Variants in XYLB observed in about 807,000 individuals in gnomAD.
The protein encoded by XYLB is xylulokinase.
Under a neutral mutation model 78.7 loss-of-function variants are expected in XYLB, and 62 were observed. The ratio of observed to expected loss-of-function variants is 0.79; its 90% CI spans 0.64 to 0.97. The LOEUF is 0.97. Among genes scored for constraint, XYLB ranks in the 50% least tolerant of loss-of-function variants. The pLI, the probability that XYLB is intolerant of heterozygous loss-of-function variation, is 0.00. For synonymous variants in XYLB, 245 were observed against 247.4 expected (o/e 0.99, Z 0.09); for missense variants, 687 against 676.8 (o/e 1.02, Z -0.17).
At chr3:38,386,433 T>A (rs973134980) in intron 15 of XYLB, among the ~76,000 whole-genome samples, 12 of 152,234 alleles carry the variant, frequency 7.9e-5, no homozygotes, top group Non-Finnish European at 1.8e-4. Context: ...AATGATTGGA[T>A]TTAATTGAAT....
At chr3:38,411,713 G>A (rs1366029213) in intron 18 of XYLB, among the ~76,000 whole-genome samples, 1 of 150,804 alleles carries the variant, frequency 6.6e-6, no homozygotes, top group Non-Finnish European at 1.5e-5. Context: ...TTCTAGCTCT[G>A]TTTTCCTTGA....
At chr3:38,356,092 A>T in intron 2 of XYLB, 1 of 227,880 alleles carries the variant, frequency 4.4e-6, no homozygotes, top group East Asian at 9.5e-5. Flanking sequence ...TCTACTAAAA[A>T]TACAAAAATT....
the XYLB span, among the ~76,000 whole-genome samples, chr3:38,433,841 C>T: frequency 6.6e-6 from 1 of 152,206 alleles, no homozygotes; most frequent in African/African-American, 2.4e-5. Context: ...AAAGTTGCTT[C>T]CACATTTTTA....
At chr3:38,393,397 T>C (rs1707749575) in intron 15 of XYLB, among the ~76,000 whole-genome samples, 2 of 152,156 alleles carry the variant, frequency 1.3e-5, no homozygotes, top group Non-Finnish European at 1.5e-5. Context: ...CTACCTGCCT[T>C]GGCCTCCCAA....
intron 7 of XYLB, 49 bp downstream of exon 7, chr3:38,366,922 C>G (rs1209861230): frequency 3.8e-6 from 5 of 1,306,220 alleles, no homozygotes; most frequent in Non-Finnish European, 5.5e-6. Flanking sequence ...GAATTCTTTT[C>G]ATAATATGTT....
intron 14 of XYLB, 103 bp from the exon 15 acceptor site, chr3:38,379,143 A>G: frequency 1.7e-6 from 2 of 1,189,130 alleles, no homozygotes; most frequent in Admixed American, 3.5e-5. Context: ...ATGAGTTTCA[A>G]ATCTGGGCTG....
downstream of XYLB, among the ~76,000 whole-genome samples, chr3:38,415,897 G>T (rs764026002): frequency 7.9e-5 from 12 of 152,182 alleles, no homozygotes; most frequent in Non-Finnish European, 1.0e-4. Context: ...GTGGCAGGAG[G>T]TGAAGGGGAA....
chr3:38,355,545 A>G (rs1705600850), intron 2 of XYLB, among the ~76,000 whole-genome samples: 1 of 152,226 alleles, frequency 6.6e-6, no homozygotes. Context: ...TCTAGCAGAA[A>G]CTTATCAGCT....
At chr3:38,355,904 A>G (rs144571758) in intron 2 of XYLB, 210 of 649,864 alleles carry the variant, frequency 3.2e-4, no homozygotes, top group Non-Finnish European at 5.2e-4. Flanking sequence ...CAAGCCATAG[A>G]AATGTGTTTT....
intron 15 of XYLB, among the ~76,000 whole-genome samples, chr3:38,381,343 G>A (rs1707133600): frequency 6.6e-6 from 1 of 152,140 alleles, no homozygotes; most frequent in Non-Finnish European, 1.5e-5. Context: ...CCTGTCAGCT[G>A]AGGAGGATAT....
intron 2 of XYLB, chr3:38,357,029 G>C (rs1441771280): frequency 6.6e-6 from 1 of 152,222 alleles, no homozygotes; most frequent in Non-Finnish European, 1.5e-5. Flanking sequence ...CAGAGGAAAG[G>C]CCTTGTGAGA....
chr3:38,365,123 G>T, intron 4 of XYLB, 76 bp from the exon 5 acceptor site: 8 of 1,373,910 alleles, frequency 5.8e-6, no homozygotes, highest in Non-Finnish European at 6.2e-6. Flanking sequence ...CATGTGGTCT[G>T]GGGTCTTTCT....
chr3:38,430,131 A>C, the XYLB span, among the ~76,000 whole-genome samples: 1 of 152,188 alleles, frequency 6.6e-6, no homozygotes, highest in African/African-American at 2.4e-5. Flanking sequence ...GAATCACCAC[A>C]CTGTCTTCCA....
rs1224137957 is a variant in XYLB, at chr3:38,348,159, CAT to C, written c.58-390_58-389del. Among the ~76,000 whole-genome samples the C allele has an allele frequency of 9.9e-5, 15 of 152,262 alleles. No homozygotes were observed. In the East Asian group the frequency reaches 2.9e-3, roughly 29 times the overall value. ...TTGCCTGGTCTCAGGCCTCTGCAGACATGGATCCCCAGAGATGCCTCCAAACC... is the reference window on the plus strand; with the variant it reads ...TTGCCTGGTCTCAGGCCTCTGCAGACGGATCCCCAGAGATGCCTCCAAACC... On this transcript the variant is annotated intron_variant, in intron 1 of 18. Coordinates refer to ENST00000207870, the MANE Select transcript of XYLB (RefSeq NM_005108.4).
At chr3:38,410,514 A>C (rs1258201252) in intron 18 of XYLB, among the ~76,000 whole-genome samples, 1 of 152,214 alleles carries the variant, frequency 6.6e-6, no homozygotes, top group African/African-American at 2.4e-5. Context: ...CAATGGCAAC[A>C]GAAGCCAAAA....
the XYLB span, among the ~76,000 whole-genome samples, chr3:38,449,006 T>C: frequency 6.6e-6 from 1 of 152,206 alleles, no homozygotes; most frequent in Non-Finnish European, 1.5e-5. Flanking sequence ...TATTTTGATG[T>C]TTTGAGGGAA....
chr3:38,395,728 G>GT (rs1397133858), intron 16 of XYLB, among the ~76,000 whole-genome samples, 165 bp downstream of exon 16: 7 of 152,198 alleles, frequency 4.6e-5, no homozygotes, highest in African/African-American at 1.7e-4. Flanking sequence ...AGCTCACACT[G>GT]TGAGTGGGAT....
chr3:38,408,563 A>G (rs943085173), intron 18 of XYLB, among the ~76,000 whole-genome samples: 6 of 152,040 alleles, frequency 3.9e-5, no homozygotes, highest in African/African-American at 1.5e-4. Context: ...ATACAGACAC[A>G]AAAAAACCCT....
the XYLB span, among the ~76,000 whole-genome samples, chr3:38,440,591 G>A: frequency 2.0e-5 from 3 of 152,196 alleles, no homozygotes; most frequent in South Asian, 2.1e-4. Flanking sequence ...CTCCTGTCAG[G>A]AAACCTGCTG....
Sources: gnomAD v4.1 joint callset for allele counts (sites outside exome capture counted in the v4.1 genomes callset) on GRCh38, gnomAD v4.1.1 for gene constraint, MANE v1.5 for transcripts, NCBI Gene and HGNC (gene_info 2026-07-23, HGNC 2026-07-21) for gene names.